Variants in SUMF1 observed in about 807,000 individuals in gnomAD.
The protein encoded by SUMF1 is sulfatase modifying factor 1.
In SUMF1, 48 loss-of-function variants were observed where a neutral mutation model predicts 47.6. The ratio of observed to expected loss-of-function variants is 1.01; its 90% CI spans 0.80 to 1.28. The LOEUF (loss-of-function observed/expected upper bound fraction) is 1.28, where lower values mean the gene tolerates loss of function less well. Among genes scored for constraint, SUMF1 ranks in the 50% most tolerant of loss-of-function variants. SUMF1 has a pLI of 0.00. For missense variants in SUMF1, 571 were observed against 485.4 expected (o/e 1.18, Z -1.66); for synonymous variants, 230 against 192.1 (o/e 1.20, Z -1.63).
chr3:4,317,052 C>G (rs1575091099), intron 8 of SUMF1: 1 of 1,549,338 alleles, frequency 6.5e-7, no homozygotes, highest in Non-Finnish European at 8.7e-7. Flanking sequence ...TGACCTCTTG[C>G]CAACCAACTA....
At chr3:4,229,287 A>T (rs1259760120) in intron 8 of SUMF1, 1 of 368,422 alleles carries the variant, frequency 2.7e-6, no homozygotes, top group Non-Finnish European at 5.3e-6. Flanking sequence ...ATATGCTAGC[A>T]ACTAGGTGTG....
chr3:4,193,335 T>A (rs577664539), intron 8 of SUMF1, among the ~76,000 whole-genome samples: 1 of 152,254 alleles, frequency 6.6e-6, no homozygotes, highest in South Asian at 2.1e-4. Flanking sequence ...GCCTTTATAA[T>A]AAGACTGTAA....
At chr3:4,313,238 G>A in intron 8 of SUMF1, 2 of 1,613,970 alleles carry the variant, frequency 1.2e-6, no homozygotes, top group Non-Finnish European at 1.7e-6. Context: ...AGGTTTGTCT[G>A]TGAATATGCT....
chr3:4,226,458 C>T lies in SUMF1; in HGVS notation c.1014+149872G>A, dbSNP rs146198239. 6.5e-4 allele frequency among the ~76,000 whole-genome samples: 98 copies of T among 151,544 alleles called. No individual in the cohort carries two copies. In the Middle Eastern group the frequency reaches 0.01, roughly 16 times the overall value. On this transcript the variant is annotated intron_variant and NMD_transcript_variant, in intron 8 of 12. Coordinates refer to the SUMF1 transcript ENST00000448413. The stretch of plus-strand genomic sequence containing the variant: ...CTAATTTTTGTCTTTTTAGTAGAGA[C>T]GGGGTTTCACCATGGTGGCCAGGAT...
intron 9 of SUMF1, among the ~76,000 whole-genome samples, chr3:4,046,686 T>G (rs1320692816): frequency 1.3e-5 from 2 of 151,024 alleles, no homozygotes; most frequent in African/African-American, 5.0e-5. Context: ...CTCCCTTTTC[T>G]CCAGTCTATA....
At chr3:4,163,276 T>C (rs1694620604) in intron 8 of SUMF1, among the ~76,000 whole-genome samples, 1 of 149,612 alleles carries the variant, frequency 6.7e-6, no homozygotes, top group Admixed American at 6.7e-5. Context: ...CTTGTTTTTA[T>C]TGTACCAAAG....
chr3:4,111,806 C>A (rs1432346897), intron 8 of SUMF1, among the ~76,000 whole-genome samples: 2 of 152,122 alleles, frequency 1.3e-5, no homozygotes, highest in East Asian at 3.9e-4. Flanking sequence ...ATACCAAGTA[C>A]AACGTAAAAG....
intron 9 of SUMF1, among the ~76,000 whole-genome samples, chr3:4,061,281 T>C (rs954267403): frequency 6.6e-6 from 1 of 151,958 alleles, no homozygotes; most frequent in Non-Finnish European, 1.5e-5. Flanking sequence ...CTTATTTGAG[T>C]TTCTTTCTCA....
chr3:4,457,098 TTTTTGTTTTG>T (rs1403189406), intron 1 of SUMF1, among the ~76,000 whole-genome samples: 1 of 119,414 alleles, frequency 8.4e-6, no homozygotes, highest in Non-Finnish European at 1.8e-5. Context: ...ATATATATTT[TTTTTGTTTTG>T]TTTTGTTTTT....
At chr3:4,185,912 G>A (rs1377845956) in intron 8 of SUMF1, among the ~76,000 whole-genome samples, 1 of 152,116 alleles carries the variant, frequency 6.6e-6, no homozygotes, top group Non-Finnish European at 1.5e-5. Context: ...TTAAAAAGGG[G>A]CATTCTCTCA....
intron 3 of SUMF1, among the ~76,000 whole-genome samples, chr3:4,431,826 A>C (rs1040282512): frequency 1.3e-5 from 2 of 152,178 alleles, no homozygotes; most frequent in African/African-American, 2.4e-5. Flanking sequence ...AGTATTATCC[A>C]AGCATAATTA....
At chr3:4,252,452 A>G (rs1268689249) in intron 8 of SUMF1, among the ~76,000 whole-genome samples, 3 of 152,126 alleles carry the variant, frequency 2.0e-5, no homozygotes, top group African/African-American at 7.2e-5. Context: ...AAATAAAATA[A>G]TCTCTAAATA....
intron 8 of SUMF1, among the ~76,000 whole-genome samples, chr3:4,160,780 G>T (rs890585947): frequency 2.0e-5 from 3 of 151,868 alleles, no homozygotes; most frequent in African/African-American, 7.3e-5. Context: ...TGACTTCTCT[G>T]TCTGAAAGGT....
intron 3 of SUMF1, among the ~76,000 whole-genome samples, chr3:4,447,638 A>T (rs983963804): frequency 6.6e-6 from 1 of 152,192 alleles, no homozygotes; most frequent in Non-Finnish European, 1.5e-5. Context: ...GGAGGATGAA[A>T]AAACAAAAAC....
At chr3:4,105,411 G>C (rs1693135816) in intron 8 of SUMF1, among the ~76,000 whole-genome samples, 1 of 152,106 alleles carries the variant, frequency 6.6e-6, no homozygotes, top group South Asian at 2.1e-4. Flanking sequence ...CAGTGAGCCT[G>C]ACTAACACAG....
intron 8 of SUMF1, among the ~76,000 whole-genome samples, chr3:4,253,072 T>A (rs1301384761): frequency 6.6e-6 from 1 of 152,336 alleles, no homozygotes; most frequent in Middle Eastern, 3.4e-3. Flanking sequence ...TCTAGCTATA[T>A]GTTATATGTA....
chr3:4,181,484 G>T (rs898364509), intron 8 of SUMF1, among the ~76,000 whole-genome samples: 1 of 152,174 alleles, frequency 6.6e-6, no homozygotes, highest in Non-Finnish European at 1.5e-5. Flanking sequence ...AGAGAGAAAA[G>T]GATGAAAGAA....
chr3:4,070,315 G>A (rs1021031702), intron 8 of SUMF1, among the ~76,000 whole-genome samples: 2 of 152,114 alleles, frequency 1.3e-5, no homozygotes, highest in African/African-American at 2.4e-5. Flanking sequence ...TCACAGGCAT[G>A]GTCACTCAAA....
At chr3:4,444,620 G>A (rs1302125792) in intron 3 of SUMF1, among the ~76,000 whole-genome samples, 3 of 152,124 alleles carry the variant, frequency 2.0e-5, no homozygotes, top group African/African-American at 7.2e-5. Flanking sequence ...AAATAAATGC[G>A]TGATTATAGA....
Sources: gnomAD v4.1 joint callset for allele counts (sites outside exome capture counted in the v4.1 genomes callset) on GRCh38, gnomAD v4.1.1 for gene constraint, MANE v1.5 for transcripts, NCBI Gene and HGNC (gene_info 2026-07-23, HGNC 2026-07-21) for gene names.